ROBO2: variants seen among roughly 807,000 people sequenced by gnomAD.
ROBO2 encodes the protein roundabout homolog 2.
A neutral mutation model predicts 160.8 loss-of-function variants in ROBO2; 53 were observed. The observed-to-expected ratio is 0.33, with a 90% confidence interval of 0.26 to 0.41. ROBO2 has a LOEUF of 0.41. Ranked by LOEUF, ROBO2 falls within the 10% of genes least tolerant of loss-of-function variation. ROBO2 has a pLI of 1.00. For synonymous variants in ROBO2, 664 were observed against 611.7 expected, an observed-to-expected ratio of 1.09 and a Z score of -1.26; for missense variants, 1,577 against 1,722.4, an observed-to-expected ratio of 0.92 and a Z score of 1.49.
At chr3:75,987,239 A>G (rs775120122) in intron 2 of ROBO2, among the ~76,000 whole-genome samples, 1 of 151,912 alleles carries the variant, frequency 6.6e-6, no homozygotes, top group Non-Finnish European at 1.5e-5. Context: ...CATAGTTTTC[A>G]TTTTACAAGT....
intron 2 of ROBO2, among the ~76,000 whole-genome samples, chr3:76,536,742 G>A (rs2082528419): frequency 6.6e-6 from 1 of 152,138 alleles, no homozygotes; most frequent in African/African-American, 2.4e-5. Context: ...GGGGAGAGGG[G>A]AGAGGTCAGG....
intron 2 of ROBO2, among the ~76,000 whole-genome samples, chr3:76,443,733 G>A (rs1303928956): frequency 2.0e-5 from 3 of 152,032 alleles, no homozygotes; most frequent in Non-Finnish European, 4.4e-5. Flanking sequence ...GCAACTTACT[G>A]GGAACTACAC....
chr3:75,946,126 G>A (rs1335431295), intron 2 of ROBO2, among the ~76,000 whole-genome samples: 1 of 152,146 alleles, frequency 6.6e-6, no homozygotes, highest in East Asian at 1.9e-4. Context: ...TTAATGCTTT[G>A]CTTTTGTCAA....
chr3:77,420,282 A>G (rs149459804), intron 2 of ROBO2, among the ~76,000 whole-genome samples: 31 of 151,948 alleles, frequency 2.0e-4, no homozygotes, highest in African/African-American at 7.2e-4. Context: ...TCAAATAAAT[A>G]TGTTTGGAAA....
intron 2 of ROBO2, among the ~76,000 whole-genome samples, chr3:77,207,899 A>T (rs1188053356): frequency 2.6e-5 from 4 of 152,226 alleles, no homozygotes; most frequent in Admixed American, 6.5e-5. Context: ...ACGCGTGGGC[A>T]CTAAAGATGT....
At chr3:76,276,756 A>G (rs955290486) in intron 2 of ROBO2, among the ~76,000 whole-genome samples, 5 of 152,026 alleles carry the variant, frequency 3.3e-5, no homozygotes, top group Non-Finnish European at 5.9e-5. Flanking sequence ...ATTGAACAAC[A>G]AGAAGTCTAT....
intron 2 of ROBO2, among the ~76,000 whole-genome samples, chr3:76,775,560 A>G (rs2062195550): frequency 2.0e-5 from 3 of 150,830 alleles, no homozygotes; most frequent in Admixed American, 6.6e-5. Context: ...GCAATGAATA[A>G]CTTGATTTTA....
At chr3:76,973,137 C>T (rs996236099) in intron 2 of ROBO2, among the ~76,000 whole-genome samples, 1 of 152,110 alleles carries the variant, frequency 6.6e-6, no homozygotes, top group African/African-American at 2.4e-5. Flanking sequence ...AAGCTGAGAC[C>T]CAAGTTCAGC....
In ROBO2 at chr3:76,534,445, GCCAGTGATCTATTATATTAC is replaced by G. The variant is rs558793321; in HGVS notation, c.110-563565_110-563546del. On this transcript the variant is annotated intron_variant, in intron 2 of 26. Coordinates refer to the ROBO2 transcript ENST00000487694. ...TATGAATAGGATTCCCTGTTGTTAAGCCAGTGATCTATTATATTACCCATTTACCATAGGTGTGAGTGGCA... is the reference window on the plus strand; with the variant it reads ...TATGAATAGGATTCCCTGTTGTTAAGCCATTTACCATAGGTGTGAGTGGCA... Among the ~76,000 whole-genome samples, 4 of 152,238 alleles carry G rather than the reference GCCAGTGATCTATTATATTAC, an allele frequency of 2.6e-5. No individual in the cohort carries two copies. In the East Asian group the frequency reaches 7.7e-4, roughly 29 times the overall value.
intron 2 of ROBO2, among the ~76,000 whole-genome samples, chr3:77,302,759 G>A (rs1469396246): frequency 6.6e-6 from 1 of 152,120 alleles, no homozygotes; most frequent in Non-Finnish European, 1.5e-5. Flanking sequence ...TAATATAGCT[G>A]AAATATAGAC....
chr3:77,076,046 G>A (rs983069060), intron 1 of ROBO2, among the ~76,000 whole-genome samples: 1 of 151,512 alleles, frequency 6.6e-6, no homozygotes, highest in African/African-American at 2.4e-5. Context: ...CTTTGCTGAG[G>A]TAAGGAAATA....
chr3:77,439,629 T>A (rs1372537738), intron 2 of ROBO2, among the ~76,000 whole-genome samples: 2 of 152,060 alleles, frequency 1.3e-5, no homozygotes, highest in African/African-American at 4.8e-5. Flanking sequence ...ATTAATGCAT[T>A]TCAAGAGAAG....
At chr3:76,425,723 C>T (rs2076196433) in intron 2 of ROBO2, among the ~76,000 whole-genome samples, 1 of 151,848 alleles carries the variant, frequency 6.6e-6, no homozygotes, top group South Asian at 2.1e-4. Flanking sequence ...ACCTTTTGTA[C>T]CCAAAGCCAA....
At chr3:76,808,306 A>G (rs2064895870) in intron 2 of ROBO2, among the ~76,000 whole-genome samples, 1 of 152,166 alleles carries the variant, frequency 6.6e-6, no homozygotes, top group Admixed American at 6.6e-5. Context: ...ACAATAAGTT[A>G]ACATATGAGA....
Position 77,617,628 on chromosome 3 carries a change from G to A in ROBO2, c.3409G>A (p.Val1137Met), listed in dbSNP as rs372515749. Residue 1137 changes from valine to methionine, a missense_variant, in exon 22 of 26, where the codon GTG (valine) becomes ATG (methionine). Physicochemically the swap from Val to Met is conservative, Grantham distance 21. This residue lies in a region of ROBO2 where 637 missense variants were observed against 586.9 expected (regional missense o/e 1.09). Coordinates refer to ENST00000461745, the Ensembl canonical transcript of ROBO2. ...GGTCCCAACACCTCCTGTTCGAGGC[G>A]TGGCTTCTTCTCCTGCTATCTCCTT... The A allele has an allele frequency of 4.7e-5, 76 of 1,614,018 alleles. No homozygotes were observed. The highest frequency in any genetic ancestry group is 1.6e-4 in the Middle Eastern group (1 of 6,076).
chr3:76,502,892 T>C (rs897064006), intron 2 of ROBO2, among the ~76,000 whole-genome samples: 64 of 152,254 alleles, frequency 4.2e-4, no homozygotes, highest in African/African-American at 1.4e-3. Flanking sequence ...GATGATTTAT[T>C]GCAATATATT....
At chr3:76,037,671 G>C (rs1186133862) in intron 2 of ROBO2, among the ~76,000 whole-genome samples, 1 of 151,912 alleles carries the variant, frequency 6.6e-6, no homozygotes, top group Admixed American at 6.6e-5. Flanking sequence ...AAAAAAATAG[G>C]ATAATCTGTT....
chr3:76,117,119 G>A (rs2070504756), intron 2 of ROBO2, among the ~76,000 whole-genome samples: 1 of 152,186 alleles, frequency 6.6e-6, no homozygotes, highest in African/African-American at 2.4e-5. Flanking sequence ...AGAAATATAG[G>A]TAGGTGTTAA....
At chr3:77,046,665 C>T (rs1221944479) in intron 1 of ROBO2, among the ~76,000 whole-genome samples, 1 of 152,106 alleles carries the variant, frequency 6.6e-6, no homozygotes, top group Non-Finnish European at 1.5e-5. Flanking sequence ...AGGCTTCTGC[C>T]TATGAGAGAC....
Sources: allele counts gnomAD v4.1 joint callset (sites outside exome capture counted in the v4.1 genomes callset), GRCh38; gene constraint gnomAD v4.1.1; regional missense constraint gnomAD v4.1.1; transcripts MANE v1.5; gene names NCBI Gene and HGNC (gene_info 2026-07-23, HGNC 2026-07-21).